AMPD2: variants seen among roughly 807,000 people sequenced by gnomAD.
AMPD2 encodes the protein adenosine monophosphate deaminase 2, also known as AMP deaminase 2.
AMPD2 carries 52 observed loss-of-function variants against 91.3 expected under a neutral mutation model. The ratio of observed to expected loss-of-function variants is 0.57; its 90% CI spans 0.46 to 0.72. The LOEUF is 0.72. Among genes scored for constraint, AMPD2 ranks in the 30% least tolerant of loss-of-function variants. AMPD2 has a pLI of 0.00. For synonymous variants in AMPD2, 455 were observed against 456.4 expected (o/e 1.00, Z 0.04); for missense variants, 822 against 1,122.3 (o/e 0.73, Z 3.82).
At position 109,625,781 on chromosome 1, in the gene AMPD2, C is replaced by A. The variant is rs1650622555; in HGVS notation, c.342C>A (p.Ser114Arg). The A allele has an allele frequency of 6.2e-7, 1 of 1,613,904 alleles. No homozygotes were observed. The highest frequency in any genetic ancestry group is 8.5e-7 in the Non-Finnish European group (1 of 1,180,010). Reference protein sequence around the residue: ...ERRQRLERQISQDVKLEPDIL... With the variant: ...ERRQRLERQIRQDVKLEPDIL... ...GGCAGCGGCTGGAGCGGCAGATCAG[C>A]CAGGATGTCAAGTGAGCCCGGCAGG... is the stretch of plus-strand genomic sequence containing the variant. The change falls in exon 4 of 19, where the codon AGC (serine) becomes AGA (arginine). Residue 114 changes from serine (S) to arginine (R), a missense_variant. Transcript: ENST00000528667. The surrounding 1 kb of genome is among the most constrained non-coding windows in gnomAD (Gnocchi z 4.0).
chr1:109,630,317 T>C lies in AMPD2; in HGVS notation c.2068T>C (p.Tyr690His), dbSNP rs543788046. 1 of 1,613,948 alleles carries C rather than the reference T, an allele frequency of 6.2e-7. No homozygotes were observed. The highest frequency in any genetic ancestry group is 1.3e-5 in the African/African-American group (1 of 74,994). ...PLSNNSLFLS[Y>H]HRNPLPEYLS... is the part of the protein sequence containing the mutation. ...CAGCAACAACAGCCTCTTCCTCAGC[T>C]ATCACCGGAATCCGCTACCGGAGTA... The change falls in exon 17 of 19, where the codon TAT (tyrosine) becomes CAT (histidine). Residue 690 changes from tyrosine to histidine, a missense_variant. Tyr to His is a moderately conservative substitution (Grantham distance 83). Around this residue, in one of 5 missense-constraint regions of AMPD2, gnomAD observed 430 missense variants for 606.0 expected, o/e 0.71. Coordinates refer to ENST00000528667, the MANE Select transcript of AMPD2 (RefSeq NM_001368809.2).
chr1:109,628,875 C>T lies in AMPD2; in HGVS notation c.1571+69C>T. On this transcript the variant is annotated intron_variant, in intron 13 of 18. Transcript: ENST00000528667. The surrounding 1 kb of genome is among the most constrained non-coding windows in gnomAD (Gnocchi z 7.1). The stretch of plus-strand genomic sequence containing the variant: ...CAAGGGGTCAGGGCCTGCCTCCTGC[C>T]CTCCTAGGATGGCTGAGCCTCCCTT... 6.6e-7 allele frequency: 1 copy of T among 1,506,384 alleles called. No individual in the cohort carries two copies. The highest frequency in any genetic ancestry group is 1.4e-5 in the African/African-American group (1 of 72,176). 93.3% of individuals were successfully genotyped at this position (1,506,384 alleles called of 1,614,324 possible).
Position 109,630,796 on chromosome 1 carries a change from A to C in AMPD2, c.2268+3A>C. On this transcript the variant is annotated splice_donor_region_variant and intron_variant, in intron 18 of 18. Transcript: ENST00000528667. ...TCATGAGCGGCTTCTCGCACAAGGT[A>C]CTACAGCGCCTGCCTGGACCTTGGC... The C allele has an allele frequency of 6.2e-7, 1 of 1,604,960 alleles. No homozygotes were observed. Among genetic ancestry groups the C allele is most frequent in the South Asian group, 1.1e-5 (1 of 89,554 alleles).
intron 2 of AMPD2, 117 bp downstream of exon 2, chr1:109,621,383 T>C (rs1410731303): frequency 3.2e-6 from 3 of 933,380 alleles, no homozygotes; most frequent in Admixed American, 2.5e-5. Flanking sequence ...TCTGTGGTGG[T>C]GCCCCTCAAC....
In AMPD2 at chr1:109,627,272, G is replaced by T; in HGVS notation, c.816G>T (p.Val272=). 1 of 1,608,712 alleles carries T rather than the reference G, an allele frequency of 6.2e-7. No homozygotes were observed. The highest frequency in any genetic ancestry group is 8.5e-7 in the Non-Finnish European group (1 of 1,176,792). Residue 272 remains valine, a synonymous_variant, in exon 8 of 19, where the codon GTG becomes GTT. Coordinates refer to ENST00000528667, the MANE Select transcript of AMPD2 (RefSeq NM_001368809.2). Reference sequence around the variant, plus strand: ...ACCTGGGCTTGGGTCTGCGCATGGTGCGGGGTGTGGTGCACGTCTACACCC... The same window carrying T: ...ACCTGGGCTTGGGTCTGCGCATGGTTCGGGGTGTGGTGCACGTCTACACCC... ...PGDLGLGLRM[V]RGVVHVYTRR...
In AMPD2 at chr1:109,628,343, G is replaced by C; in HGVS notation, c.1276-21G>C. The C allele has an allele frequency of 6.2e-7, 1 of 1,613,946 alleles. No homozygotes were observed. The highest frequency in any genetic ancestry group is 2.2e-5 in the East Asian group (1 of 44,886). ...GGGGACCAGGAGTCACGGGTGACCT[G>C]AGCCTTCCCATGTCCCCCAGGACAG... is the stretch of plus-strand genomic sequence containing the variant. On this transcript the variant is annotated intron_variant, in intron 11 of 18. Coordinates refer to ENST00000528667, the MANE Select transcript of AMPD2 (RefSeq NM_001368809.2). The surrounding 1 kb of genome is among the most constrained non-coding windows in gnomAD (Gnocchi z 7.1).
chr1:109,623,239 G>A (rs1001055655), intron 2 of AMPD2, among the ~76,000 whole-genome samples: 2 of 152,110 alleles, frequency 1.3e-5, no homozygotes, highest in African/African-American at 4.8e-5. Flanking sequence ...GTTGTGGCTA[G>A]GCAGGGAAGG....
At chr1:109,627,984 A>C (rs1019472849) in intron 10 of AMPD2, 81 bp downstream of exon 10, 233 of 1,604,266 alleles carry the variant, frequency 1.5e-4, no homozygotes, top group Non-Finnish European at 1.9e-4. Context: ...CAGGCCCCCC[A>C]CACAGCATCC....
Position 109,621,115 on chromosome 1 carries a change from A to C in AMPD2, c.-61A>C, listed in dbSNP as rs1023683298. ...GGCGGAGGAAGGGGTTGGATGTGGC[A>C]GAGCCAGGCCCCAGCCGGTGCCGCT... On this transcript the variant is annotated 5_prime_UTR_variant, in exon 2 of 19. Coordinates refer to ENST00000528667, the MANE Select transcript of AMPD2 (RefSeq NM_001368809.2). 6.2e-7 allele frequency: 1 copy of C among 1,601,362 alleles called. No homozygotes were observed. Among genetic ancestry groups the C allele is most frequent in the African/African-American group, 1.3e-5 (1 of 74,562 alleles).
At chr1:109,620,311 C>T (rs1268741315) in intron 1 of AMPD2, 33 bp downstream of exon 1, 1 of 1,613,060 alleles carries the variant, frequency 6.2e-7, no homozygotes, top group Non-Finnish European at 8.5e-7. Flanking sequence ...GAGGGAGGGT[C>T]TCTGGGACAG....
In AMPD2 at chr1:109,630,677, G is replaced by A. The variant is rs1236896398; in HGVS notation, c.2158-6G>A. On this transcript the variant is annotated splice_polypyrimidine_tract_variant and splice_region_variant and intron_variant, in intron 17 of 18. Coordinates refer to ENST00000528667, the MANE Select transcript of AMPD2 (RefSeq NM_001368809.2). ...GCACTCGTCTGAGGGAACCTGGCCC[G>A]TGCAGGAGCCGCTGATGGAGGAGTA... 21 of 1,607,946 alleles carry A rather than the reference G, an allele frequency of 1.3e-5. No individual in the cohort carries two copies. Among genetic ancestry groups the A allele is most frequent in the Non-Finnish European group, 1.5e-5 (18 of 1,177,940 alleles).
chr1:109,628,192 G>A lies in AMPD2; in HGVS notation c.1190G>A (p.Gly397Asp). The change falls in exon 11 of 19, where the codon GGC becomes GAC. Residue 397 changes from glycine (G) to aspartate (D), a missense_variant. Gly to Asp is a moderately conservative substitution (Grantham distance 94, BLOSUM62 -1). Around this residue, in one of 5 missense-constraint regions of AMPD2, gnomAD observed 430 missense variants for 606.0 expected, o/e 0.71. Transcript: ENST00000528667. This position sits in a 1 kb window ranked among gnomAD's most constrained non-coding sequence, Gnocchi z 7.1. ...GAGGAGATCGTGCACGTGGAGCAGG[G>A]CCGTGAACAGACGCTGCGGGAGGTC... ...HLEEIVHVEQGREQTLREVFE... is the reference protein window; with the variant it reads ...HLEEIVHVEQDREQTLREVFE... 6.2e-7 allele frequency: 1 copy of A among 1,614,076 alleles called. No individual in the cohort carries two copies. The highest frequency in any genetic ancestry group is 8.5e-7 in the Non-Finnish European group (1 of 1,180,038).
rs1420498214 is a variant in AMPD2, at chr1:109,631,200, T to C, written c.*48T>C. On this transcript the variant is annotated 3_prime_UTR_variant, in exon 19 of 19. Transcript: ENST00000528667. Reference sequence around the variant, plus strand: ...CACATCGCAGCACTTTTACCACGTTTTGTCCTCAGACCCCGCCCATGCTGT... The same window carrying C: ...CACATCGCAGCACTTTTACCACGTTCTGTCCTCAGACCCCGCCCATGCTGT... 2 of 1,525,548 alleles carry C rather than the reference T, an allele frequency of 1.3e-6. No individual in the cohort carries two copies. The highest frequency in any genetic ancestry group is 3.9e-5 in the Admixed American group (2 of 50,956). The allele number at this position is 1,525,548 out of a possible 1,614,324, so 94.5% of individuals were successfully genotyped here. A position where few individuals can be genotyped will look rare whatever the true frequency, so the allele number is the denominator to read the frequency against.
chr1:109,627,691 G>T, intron 9 of AMPD2, 83 bp from the exon 10 acceptor site: 1 of 1,575,744 alleles, frequency 6.3e-7, no homozygotes, highest in Non-Finnish European at 8.7e-7. Context: ...CCTCCCACCT[G>T]CTCCCTCTGA....
chr1:109,628,346 C>G lies in AMPD2; in HGVS notation c.1276-18C>G, dbSNP rs1413024615. ...GACCAGGAGTCACGGGTGACCTGAG[C>G]CTTCCCATGTCCCCCAGGACAGGAA... On this transcript the variant is annotated intron_variant, in intron 11 of 18. Transcript: ENST00000528667. The surrounding 1 kb of genome is among the most constrained non-coding windows in gnomAD (Gnocchi z 7.1). 2 of 1,613,838 alleles carry G rather than the reference C, an allele frequency of 1.2e-6. No individual in the cohort carries two copies. The highest frequency in any genetic ancestry group is 2.2e-5 in the East Asian group (1 of 44,882).
At position 109,626,490 on chromosome 1, in the gene AMPD2, C is replaced by T. The variant is rs1165365592; in HGVS notation, c.531+63C>T. ...CTATGTCTTAGTGGGTTCCCCCAGC[C>T]TGGAGAGCTGGGGGTGGGGGCTGGA... is the stretch of plus-strand genomic sequence containing the variant. On this transcript the variant is annotated intron_variant, in intron 6 of 18. Coordinates refer to ENST00000528667, the MANE Select transcript of AMPD2 (RefSeq NM_001368809.2). 2.7e-6 allele frequency: 4 copies of T among 1,455,478 alleles called. No individual in the cohort carries two copies. In the African/African-American group the frequency reaches 5.7e-5, roughly 21 times the overall value. The allele number at this position is 1,455,478 out of a possible 1,614,324, so 90.2% of individuals were successfully genotyped here.
chr1:109,624,281 G>C lies in AMPD2; in HGVS notation c.92-1022G>C, dbSNP rs912761751. On this transcript the variant is annotated intron_variant, in intron 2 of 18. Coordinates refer to ENST00000528667, the MANE Select transcript of AMPD2 (RefSeq NM_001368809.2). The surrounding 1 kb of genome is among the most constrained non-coding windows in gnomAD (Gnocchi z 5.2). ...AAGCCAGGGTGGAGGGTGCTGGAGG[G>C]GAGCACTCCTTACAGCCGGCTGAGA... 1.3e-5 allele frequency among the ~76,000 whole-genome samples: 2 copies of C among 152,220 alleles called. No homozygotes were observed. The highest frequency in any genetic ancestry group is 2.9e-5 in the Non-Finnish European group (2 of 68,034).
Position 109,625,860 on chromosome 1 carries a change from T to C in AMPD2, c.353+68T>C, listed in dbSNP as rs566214049. The C allele has an allele frequency of 3.3e-5, 53 of 1,596,926 alleles. No individual in the cohort carries two copies. Among genetic ancestry groups the C allele is most frequent in the Non-Finnish European group, 4.4e-5 (52 of 1,169,596 alleles). ...CCAGACCCTTTCAGAGCCCCTTTTC[T>C]GCCTCTTTCCCTCGCACCCTGCCTT... On this transcript the variant is annotated intron_variant, in intron 4 of 18. Coordinates refer to ENST00000528667, the MANE Select transcript of AMPD2 (RefSeq NM_001368809.2). This position sits in a 1 kb window ranked among gnomAD's most constrained non-coding sequence, Gnocchi z 4.0.
intron 8 of AMPD2, 33 bp downstream of exon 8, chr1:109,627,349 C>T (rs1250297908): frequency 1.2e-6 from 2 of 1,610,418 alleles, no homozygotes; most frequent in Non-Finnish European, 1.7e-6. Flanking sequence ...TGGGGGGATG[C>T]AGCGTGGGAG....
Sources: allele counts gnomAD v4.1 joint callset (sites outside exome capture counted in the v4.1 genomes callset), GRCh38; gene constraint gnomAD v4.1.1; regional missense constraint gnomAD v4.1.1; non-coding constraint Gnocchi (gnomAD v3.1); transcripts MANE v1.5; gene names NCBI Gene and HGNC (gene_info 2026-07-23, HGNC 2026-07-21).